The following DGKK variants were observed in gnomAD, a reference collection of about 807,000 sequenced individuals.
DGKK encodes the protein 142 kDa diacylglycerol kinase.
A neutral mutation model predicts 92.2 loss-of-function variants in DGKK; 35 were observed. The observed-to-expected ratio is 0.38, with a 90% CI of 0.29 to 0.50. DGKK has a LOEUF of 0.50. DGKK is among the 20% of genes least tolerant of loss of function. The pLI, the probability that DGKK is intolerant of heterozygous loss-of-function variation, is 0.92. For missense variants in DGKK, 910 were observed against 992.2 expected (o/e 0.92, Z 1.11); for synonymous variants, 368 against 360.6 (o/e 1.02, Z -0.23).
chrX:50,381,946 C>G (rs1924424537), intron 18 of DGKK, among the ~76,000 whole-genome samples: 3 of 111,239 alleles, frequency 2.7e-5, no homozygotes, highest in Non-Finnish European at 3.8e-5. Flanking sequence ...GGGTGTCACA[C>G]TTTTTACTTA....
At chrX:50,466,531 C>T (rs1926915258) in intron 1 of DGKK, among the ~76,000 whole-genome samples, 1 of 111,722 alleles carries the variant, frequency 9.0e-6, no homozygotes, top group Non-Finnish European at 1.9e-5. Context: ...GAAAGATTGA[C>T]TGTATTTCCT....
chrX:50,403,381 C>A (rs2059975548), intron 6 of DGKK, 110 bp downstream of exon 6: 2 of 885,917 alleles, frequency 2.3e-6, no homozygotes, highest in African/African-American at 2.0e-5. Flanking sequence ...GGATTGTGAG[C>A]CTAGGACTTT....
At chrX:50,466,446 C>T (rs1023499384) in intron 1 of DGKK, among the ~76,000 whole-genome samples, 9 of 111,561 alleles carry the variant, frequency 8.1e-5, no homozygotes, top group Admixed American at 1.9e-4. Flanking sequence ...GGGATAAGGA[C>T]ACTTTCCAAG....
intron 26 of DGKK, 67 bp downstream of exon 26, chrX:50,371,656 AC>A: frequency 1.2e-6 from 1 of 815,550 alleles, no homozygotes; most frequent in South Asian, 2.4e-5. Flanking sequence ...CCTGGCCCAC[AC>A]TGGAAGGGAA....
chrX:50,427,296 A>G (rs956930129), intron 1 of DGKK, among the ~76,000 whole-genome samples: 3 of 111,148 alleles, frequency 2.7e-5, no homozygotes, highest in Non-Finnish European at 5.7e-5. Context: ...ATATTCTGGA[A>G]AAGGCAAGAC....
In DGKK at chrX:50,393,311, A is replaced by G; in HGVS notation, c.1436T>C (p.Phe479Ser). ...GDGQLVVSSD[F>S]WNLDWSSACS... The stretch of plus-strand genomic sequence containing the variant: ...GGCTGATGACCAATCAAGATTCCAG[A>G]AGTCTGAAGATACTACTAATTGGCC... The change falls in exon 9 of 28, where the codon TTC becomes TCC. Residue 479 changes from phenylalanine (F) to serine (S), a missense_variant. Physicochemically the swap from Phe to Ser is radical, Grantham distance 155 (BLOSUM62 -2). Transcript: ENST00000611977. 8.3e-7 allele frequency: 1 copy of G among 1,208,989 alleles called. No individual in the cohort carries two copies. The highest frequency in any genetic ancestry group is 1.1e-6 in the Non-Finnish European group (1 of 894,110).
At chrX:50,434,941 GC>G (rs1925982112) in intron 1 of DGKK, among the ~76,000 whole-genome samples, 1 of 111,775 alleles carries the variant, frequency 8.9e-6, no homozygotes, top group South Asian at 3.8e-4. Flanking sequence ...TCATCATTGT[GC>G]TAACAAGAGA....
chrX:50,444,855 T>A (rs1557231630), intron 1 of DGKK, among the ~76,000 whole-genome samples: 1 of 111,318 alleles, frequency 9.0e-6, no homozygotes, highest in Admixed American at 9.6e-5. Context: ...CTTAGCTCTT[T>A]GAGGAATTGC....
At chrX:50,448,058 T>A (rs1276178389) in intron 1 of DGKK, among the ~76,000 whole-genome samples, 1 of 111,729 alleles carries the variant, frequency 9.0e-6, no homozygotes, top group African/African-American at 3.2e-5. Context: ...TCCAGCCACC[T>A]GGACAACTCA....
chrX:50,445,605 A>G (rs1184515204), intron 1 of DGKK, among the ~76,000 whole-genome samples: 1 of 110,845 alleles, frequency 9.0e-6, no homozygotes, highest in Non-Finnish European at 1.9e-5. Context: ...GTGCAACCTT[A>G]TTCCTAGGCT....
At chrX:50,408,779 T>C (rs931672846) in intron 4 of DGKK, among the ~76,000 whole-genome samples, 4 of 112,117 alleles carry the variant, frequency 3.6e-5, no homozygotes, top group Non-Finnish European at 5.6e-5. Flanking sequence ...CACACGTCCA[T>C]AGATGGAGAG....
intron 10 of DGKK, 134 bp downstream of exon 10, chrX:50,392,207 C>T (rs1259873197): frequency 4.2e-6 from 2 of 476,006 alleles, no homozygotes; most frequent in Non-Finnish European, 7.3e-6. Context: ...ATCTACCAGT[C>T]AGGCTGAATA....
At chrX:50,394,160 C>T (rs1043033617) in intron 8 of DGKK, among the ~76,000 whole-genome samples, 3 of 111,621 alleles carry the variant, frequency 2.7e-5, no homozygotes, top group Non-Finnish European at 3.8e-5. Flanking sequence ...CCCCAGACCT[C>T]GGAGCTGTGG....
rs782424463 is a variant in DGKK at position 50,384,256 on chromosome X, G to A, written c.2461C>T (p.Arg821Cys). The A allele has an allele frequency of 1.1e-5, 13 of 1,159,638 alleles. No individual in the cohort carries two copies. The highest frequency in any genetic ancestry group is 7.8e-5 in the South Asian group (4 of 51,390). ...GAAGATATAGAAGACAAAGTGCCAC[G>A]ACGAGAACCTAGACACAAAAGACAT... ...NQTSPRRRSR[R>C]GTLSSISSLK... The change falls in exon 17 of 28, where the codon CGT (arginine) becomes TGT (cysteine). Residue 821 changes from arginine to cysteine, a missense_variant. Transcript: ENST00000611977.
At chrX:50,373,435 T>G (rs1323560261) in intron 25 of DGKK, among the ~76,000 whole-genome samples, 1 of 112,152 alleles carries the variant, frequency 8.9e-6, no homozygotes, top group Non-Finnish European at 1.9e-5. Flanking sequence ...AGTTGGGTTG[T>G]TGGTTGGTGT....
At chrX:50,434,811 C>T (rs1408136537) in intron 1 of DGKK, among the ~76,000 whole-genome samples, 1 of 112,005 alleles carries the variant, frequency 8.9e-6, no homozygotes, top group East Asian at 2.8e-4. Context: ...CTTCAGCCCC[C>T]AGAGGTATTT....
chrX:50,448,910 C>T (rs1382978480), intron 1 of DGKK, among the ~76,000 whole-genome samples: 1 of 111,593 alleles, frequency 9.0e-6, no homozygotes, highest in Non-Finnish European at 1.9e-5. Flanking sequence ...TCTGTATTCA[C>T]CCTGATAAAA....
chrX:50,434,116 A>C (rs1925959180), intron 1 of DGKK, among the ~76,000 whole-genome samples: 1 of 110,877 alleles, frequency 9.0e-6, no homozygotes, highest in Non-Finnish European at 1.9e-5. Flanking sequence ...CCCACCACCA[A>C]GAAACATGCC....
In DGKK at chrX:50,468,368, C is replaced by T. The variant is rs782806783; in HGVS notation, c.645+1666G>A. ...AGGTGATTCCTGCTTGTCTCTTTCCCACCAGCTTAATGCAAACTCTTCCAA... is the reference window on the plus strand; with the variant it reads ...AGGTGATTCCTGCTTGTCTCTTTCCTACCAGCTTAATGCAAACTCTTCCAA... On this transcript the variant is annotated intron_variant, in intron 1 of 27. Transcript: ENST00000611977. Among the ~76,000 whole-genome samples, 91 of 111,250 alleles carry T rather than the reference C, an allele frequency of 8.2e-4. No individual in the cohort carries two copies. In the South Asian group the frequency reaches 0.016, roughly 20 times the overall value.
Sources: allele counts gnomAD v4.1 joint callset (sites outside exome capture counted in the v4.1 genomes callset), GRCh38; gene constraint gnomAD v4.1.1; transcripts MANE v1.5; gene names NCBI Gene and HGNC (gene_info 2026-07-23, HGNC 2026-07-21).